The following MTX2 variants were observed in gnomAD, a reference collection of about 807,000 sequenced individuals.
The protein encoded by MTX2 is metaxin 2.
MTX2 carries 35 observed loss-of-function variants against 42.3 expected under a neutral mutation model. The observed-to-expected ratio is 0.83, with a 90% confidence interval of 0.63 to 1.10. The LOEUF (loss-of-function observed/expected upper bound fraction) is 1.10. MTX2 is among the 50% of genes least tolerant of loss of function. MTX2 has a pLI of 0.00. For synonymous variants in MTX2, 119 were observed against 100.9 expected (o/e 1.18, Z -1.08); for missense variants, 307 against 304.1 (o/e 1.01, Z -0.07).
Position 176,337,727 on chromosome 2 carries a change from G to A in MTX2, c.*63G>A. 7.1e-7 allele frequency: 1 copy of A among 1,416,822 alleles called. No individual in the cohort carries two copies. 87.8% of individuals were successfully genotyped at this position (1,416,822 alleles called of 1,614,324 possible). ...TATGTTTTACTTGAATGTTACATTA[G>A]ATATTGGTGTCAGAATTTTAAAACC... On this transcript the variant is annotated 3_prime_UTR_variant, in exon 10 of 10. Coordinates refer to ENST00000249442, the MANE Select transcript of MTX2 (RefSeq NM_006554.5).
intron 1 of MTX2, among the ~76,000 whole-genome samples, chr2:176,291,743 C>T (rs903991131): frequency 3.3e-5 from 5 of 152,088 alleles, no homozygotes; most frequent in African/African-American, 1.2e-4. Context: ...ACAGGTTACA[C>T]GCTCGTGAAC....
chr2:176,302,517 A>G (rs139945223), intron 3 of MTX2, among the ~76,000 whole-genome samples: 1,596 of 152,038 alleles, frequency 0.01, 29 homozygotes, highest in African/African-American at 0.037. Flanking sequence ...GCTCACTGCA[A>G]CCTCCATTTC....
In MTX2 at chr2:176,337,478, C is replaced by G. The variant is rs369027396; in HGVS notation, c.621-15C>G. 2 of 1,574,798 alleles carry G rather than the reference C, an allele frequency of 1.3e-6. No individual in the cohort carries two copies. The highest frequency in any genetic ancestry group is 8.6e-7 in the Non-Finnish European group (1 of 1,158,868). On this transcript the variant is annotated splice_polypyrimidine_tract_variant and intron_variant, in intron 9 of 9. Transcript: ENST00000249442. Reference sequence around the variant, plus strand: ...AAATGCTACTTACTCACATTACTCTCATTTCTACTTTTAGGCCTACTGAAC... The same window carrying G: ...AAATGCTACTTACTCACATTACTCTGATTTCTACTTTTAGGCCTACTGAAC...
In MTX2 at chr2:176,336,074, C is replaced by G. The variant is rs565155181; in HGVS notation, c.621-1419C>G. Reference sequence around the variant, plus strand: ...CAACCCCCAAATTTATTCTGCCAAACCAGATTACTGCAACATATTTTCACA... The same window carrying G: ...CAACCCCCAAATTTATTCTGCCAAAGCAGATTACTGCAACATATTTTCACA... On this transcript the variant is annotated intron_variant, in intron 9 of 9. Transcript: ENST00000249442. Among the ~76,000 whole-genome samples, 24 of 152,184 alleles carry G rather than the reference C, an allele frequency of 1.6e-4. No individual in the cohort carries two copies. The South Asian group carries it at 5.0e-3, about 32-fold the overall frequency.
intron 3 of MTX2, among the ~76,000 whole-genome samples, chr2:176,321,761 C>A (rs1684588087): frequency 6.6e-6 from 1 of 152,070 alleles, no homozygotes. Flanking sequence ...TGTAAGGGAG[C>A]CCGGAAAATA....
intron 1 of MTX2, among the ~76,000 whole-genome samples, chr2:176,284,350 T>C (rs1025263148): frequency 4.6e-5 from 7 of 152,184 alleles, no homozygotes; most frequent in Non-Finnish European, 8.8e-5. Flanking sequence ...ATTTGACTTA[T>C]ATTTATTTAC....
chr2:176,283,167 T>G (rs1006667145), intron 1 of MTX2, among the ~76,000 whole-genome samples: 1 of 152,082 alleles, frequency 6.6e-6, no homozygotes, highest in Non-Finnish European at 1.5e-5. Flanking sequence ...CTGAAATGTA[T>G]GCTTTTTCCC....
chr2:176,288,769 A>G (rs1693263862), intron 1 of MTX2, among the ~76,000 whole-genome samples: 2 of 152,064 alleles, frequency 1.3e-5, no homozygotes, highest in South Asian at 4.2e-4. Flanking sequence ...GTCTTCACCT[A>G]CATTCATGTG....
intron 9 of MTX2, among the ~76,000 whole-genome samples, chr2:176,331,415 A>G (rs1233788351): frequency 3.3e-5 from 5 of 151,100 alleles, no homozygotes; most frequent in African/African-American, 1.2e-4. Context: ...AATAAAAATT[A>G]TTTGATTTTT....
chr2:176,321,577 C>G (rs545643658), intron 3 of MTX2, among the ~76,000 whole-genome samples: 1 of 152,250 alleles, frequency 6.6e-6, no homozygotes, highest in East Asian at 1.9e-4. Context: ...ACTCTTGTTG[C>G]TCTACCATTT....
In MTX2 at chr2:176,285,749, A is replaced by G. The variant is rs148906042; in HGVS notation, c.41-11111A>G. Among the ~76,000 whole-genome samples the G allele has an allele frequency of 1.4e-3, 219 of 152,164 alleles. 1 individual carries two copies. Among genetic ancestry groups the G allele is most frequent in the African/African-American group, 5.0e-3 (208 of 41,516 alleles). ...TCTTATTGCCAAATAGTATTCCATCATATGGATATGCTGCATTATGTCTGT... is the reference window on the plus strand; with the variant it reads ...TCTTATTGCCAAATAGTATTCCATCGTATGGATATGCTGCATTATGTCTGT... On this transcript the variant is annotated intron_variant, in intron 1 of 9. Transcript: ENST00000249442.
At position 176,283,636 on chromosome 2, in the gene MTX2, A is replaced by G. The variant is rs184923500; in HGVS notation, c.41-13224A>G. On this transcript the variant is annotated intron_variant, in intron 1 of 9. Transcript: ENST00000249442. ...ATATGAGATAGCAAAGTATATGTAC[A>G]GTACCTGGAACCATAATCACATAGT... Among the ~76,000 whole-genome samples the G allele has an allele frequency of 6.5e-3, 983 of 152,366 alleles. 13 individuals carry two copies. Among genetic ancestry groups the G allele is most frequent in the African/African-American group, 0.022 (910 of 41,582 alleles).
Position 176,292,195 on chromosome 2 carries a change from G to T in MTX2, c.41-4665G>T, listed in dbSNP as rs527567785. Among the ~76,000 whole-genome samples, 3 of 151,974 alleles carry T rather than the reference G, an allele frequency of 2.0e-5. No individual in the cohort carries two copies. In the East Asian group the frequency reaches 5.8e-4, roughly 29 times the overall value. On this transcript the variant is annotated intron_variant, in intron 1 of 9. Coordinates refer to ENST00000249442, the MANE Select transcript of MTX2 (RefSeq NM_006554.5). ...ATTCTAAGGCTGTCCCTTCCTTTAG[G>T]TGTGTTTAAAATGGCACTTCACACC... is the stretch of plus-strand genomic sequence containing the variant.
intron 1 of MTX2, among the ~76,000 whole-genome samples, chr2:176,269,888 C>T (rs1692755776): frequency 6.6e-6 from 1 of 152,132 alleles, no homozygotes; most frequent in Admixed American, 6.5e-5. Context: ...AGTCCCGTCT[C>T]CTTCCCTTGG....
chr2:176,337,897 A>G lies in MTX2; in HGVS notation c.*233A>G, dbSNP rs1160132142. ...TATCTTGAAATTTTTGTTTCCTTGA[A>G]ACATGCATGCATTTAAAAATAAAGC... On this transcript the variant is annotated 3_prime_UTR_variant, in exon 10 of 10. Coordinates refer to ENST00000249442, the MANE Select transcript of MTX2 (RefSeq NM_006554.5). The G allele has an allele frequency of 6.5e-6, 2 of 309,130 alleles. No individual in the cohort carries two copies. Among genetic ancestry groups the G allele is most frequent in the Non-Finnish European group, 1.2e-5 (2 of 171,342 alleles). The allele number at this position is 309,130 out of a possible 1,614,324, so 19.1% of individuals were successfully genotyped here.
At chr2:176,327,921 C>T (rs919019134) in intron 5 of MTX2, among the ~76,000 whole-genome samples, 2 of 150,932 alleles carry the variant, frequency 1.3e-5, no homozygotes, top group Admixed American at 6.6e-5. Context: ...TCTTTACAAA[C>T]GTATTTTTTT....
At chr2:176,270,638 A>T (rs1158435919) in intron 1 of MTX2, among the ~76,000 whole-genome samples, 2 of 152,226 alleles carry the variant, frequency 1.3e-5, no homozygotes, top group Non-Finnish European at 2.9e-5. Context: ...TGGAAATGGG[A>T]AGTACAGAAT....
intron 1 of MTX2, among the ~76,000 whole-genome samples, chr2:176,283,378 A>G (rs1183449547): frequency 6.6e-6 from 1 of 152,040 alleles, no homozygotes; most frequent in African/African-American, 2.4e-5. Flanking sequence ...AAATGCCTTT[A>G]ATATTTTTTA....
At chr2:176,302,503 C>A (rs901339149) in intron 3 of MTX2, among the ~76,000 whole-genome samples, 1 of 152,072 alleles carries the variant, frequency 6.6e-6, no homozygotes, top group African/African-American at 2.4e-5. Context: ...GTGGCGTGAT[C>A]TTGGCTCACT....
Sources: allele counts gnomAD v4.1 joint callset (sites outside exome capture counted in the v4.1 genomes callset), GRCh38; gene constraint gnomAD v4.1.1; transcripts MANE v1.5; gene names NCBI Gene and HGNC (gene_info 2026-07-23, HGNC 2026-07-21).